The following OR1B1 variants were observed in gnomAD, a reference collection of about 807,000 sequenced individuals.
OR1B1 encodes the protein olfactory receptor family 1 subfamily B member 1, also known as olfactory receptor 1B1.
For missense variants in OR1B1, 414 were observed against 402.1 expected (o/e 1.03, Z -0.25); for synonymous variants, 168 against 156.2 (o/e 1.08, Z -0.57).
chr9:122,630,374 C>T (rs577211561), upstream of OR1B1, among the ~76,000 whole-genome samples: 1 of 152,334 alleles, frequency 6.6e-6, no homozygotes, highest in East Asian at 1.9e-4. Context: ...AGGAATTACT[C>T]CATCATCTCC....
the OR1B1 span, among the ~76,000 whole-genome samples, chr9:122,638,454 T>C: frequency 2.0e-5 from 3 of 152,174 alleles, no homozygotes; most frequent in Non-Finnish European, 2.9e-5. Context: ...TTTCTAGTGG[T>C]TTTTATTATT....
chr9:122,640,850 C>G, the OR1B1 span, among the ~76,000 whole-genome samples: 1 of 152,128 alleles, frequency 6.6e-6, no homozygotes, highest in Non-Finnish European at 1.5e-5. Context: ...ATTTATCCAT[C>G]CATTTATTGA....
chr9:122,652,902 C>A, the OR1B1 span, among the ~76,000 whole-genome samples: 1 of 152,120 alleles, frequency 6.6e-6, no homozygotes, highest in Non-Finnish European at 1.5e-5. Context: ...CCTATAATCA[C>A]AGTGGGGAAG....
the OR1B1 span, among the ~76,000 whole-genome samples, chr9:122,648,912 T>A: frequency 4.6e-5 from 7 of 152,252 alleles, no homozygotes; most frequent in Middle Eastern, 6.8e-3. Flanking sequence ...TTAAATTTCA[T>A]ATGGAACCAA....
At chr9:122,640,620 A>G in the OR1B1 span, among the ~76,000 whole-genome samples, 2 of 152,164 alleles carry the variant, frequency 1.3e-5, no homozygotes, top group Non-Finnish European at 2.9e-5. Flanking sequence ...AACAATTTGT[A>G]AGAGCAATTG....
exon 1 of OR1B1, chr9:122,629,449 G>A: frequency 1.2e-6 from 2 of 1,613,732 alleles, no homozygotes; most frequent in Non-Finnish European, 8.5e-7. Flanking sequence ...ACAGGAAGAA[G>A]AGGAGAGTGT....
the OR1B1 span, among the ~76,000 whole-genome samples, chr9:122,646,171 C>G: frequency 2.0e-5 from 3 of 151,498 alleles, no homozygotes; most frequent in African/African-American, 7.3e-5. Flanking sequence ...TCGTGGTAAC[C>G]TCAAATCAAA....
At chr9:122,652,418 C>T in the OR1B1 span, among the ~76,000 whole-genome samples, 8 of 152,224 alleles carry the variant, frequency 5.3e-5, no homozygotes, top group African/African-American at 9.6e-5. Flanking sequence ...AGTCAAAAAC[C>T]AGGAAGAGAT....
the OR1B1 span, among the ~76,000 whole-genome samples, chr9:122,642,532 G>A: frequency 2.0e-5 from 3 of 152,046 alleles, no homozygotes; most frequent in East Asian, 5.8e-4. Context: ...CACCTGGGGG[G>A]AGGTCAGGTA....
chr9:122,631,003 G>A (rs532349524), upstream of OR1B1, among the ~76,000 whole-genome samples: 1 of 151,992 alleles, frequency 6.6e-6, no homozygotes, highest in East Asian at 1.9e-4. Flanking sequence ...ACCGTGCCTG[G>A]TCCCAGTGTT....
At chr9:122,649,788 T>C in the OR1B1 span, among the ~76,000 whole-genome samples, 6 of 152,218 alleles carry the variant, frequency 3.9e-5, no homozygotes, top group Non-Finnish European at 7.3e-5. Flanking sequence ...GGAACTCTTT[T>C]ACACTGTTGG....
the OR1B1 span, among the ~76,000 whole-genome samples, chr9:122,650,447 T>C: frequency 6.6e-6 from 1 of 151,506 alleles, no homozygotes; most frequent in Non-Finnish European, 1.5e-5. Context: ...TTATATATAG[T>C]CCCACACACT....
upstream of OR1B1, among the ~76,000 whole-genome samples, chr9:122,632,778 G>T (rs945015706): frequency 6.6e-6 from 1 of 152,080 alleles, no homozygotes. Context: ...ATATGAAGGG[G>T]GTTTGTATTA....
At chr9:122,650,746 G>A in the OR1B1 span, among the ~76,000 whole-genome samples, 1 of 151,962 alleles carries the variant, frequency 6.6e-6, no homozygotes. Flanking sequence ...TGTCCCAGCC[G>A]GGCGCGGTGG....
chr9:122,628,172 T>C (rs1168580851), downstream of OR1B1, among the ~76,000 whole-genome samples: 1 of 152,050 alleles, frequency 6.6e-6, no homozygotes, highest in Non-Finnish European at 1.5e-5. Flanking sequence ...CTTTCTGATA[T>C]ACACAAACAC....
chr9:122,637,895 G>A, the OR1B1 span, among the ~76,000 whole-genome samples: 1,296 of 152,254 alleles, frequency 8.5e-3, 21 homozygotes, highest in African/African-American at 0.03. Flanking sequence ...GTATATAACA[G>A]TGATGGCATT....
chr9:122,631,113 G>A (rs1261011687), upstream of OR1B1, among the ~76,000 whole-genome samples: 1 of 151,952 alleles, frequency 6.6e-6, no homozygotes, highest in Non-Finnish European at 1.5e-5. Flanking sequence ...TGAAATATGA[G>A]GTATGTAATA....
the OR1B1 span, among the ~76,000 whole-genome samples, chr9:122,638,442 A>G: frequency 6.6e-6 from 1 of 152,072 alleles, no homozygotes; most frequent in Non-Finnish European, 1.5e-5. Flanking sequence ...TAAGACTTTT[A>G]TTTTCTAGTG....
At chr9:122,645,446 C>G in the OR1B1 span, among the ~76,000 whole-genome samples, 2 of 152,022 alleles carry the variant, frequency 1.3e-5, no homozygotes, top group Non-Finnish European at 2.9e-5. Flanking sequence ...TTATAGAACA[C>G]TAAGCAGATT....
Sources: allele counts gnomAD v4.1 joint callset (sites outside exome capture counted in the v4.1 genomes callset), GRCh38; gene constraint gnomAD v4.1.1; transcripts MANE v1.5; gene names NCBI Gene and HGNC (gene_info 2026-07-23, HGNC 2026-07-21).